Variants in DMD observed in about 807,000 individuals in gnomAD.
DMD encodes dystrophin.
In DMD, 63 loss-of-function variants were observed where a neutral mutation model predicts 330.1. The observed-to-expected ratio is 0.19, with a 90% CI of 0.16 to 0.24. The LOEUF is 0.24. DMD is among the 10% of genes least tolerant of loss of function. The probability of loss-of-function intolerance (pLI) is 1.00; values close to 1 mark genes in which losing one functional copy is unlikely to be tolerated. For synonymous variants in DMD, 1,223 were observed against 959.8 expected (o/e 1.27, Z -5.07); for missense variants, 3,344 against 2,684.1 (o/e 1.25, Z -5.43).
intron 45 of DMD, among the ~76,000 whole-genome samples, chrX:31,940,693 T>A (rs2150043799): frequency 9.1e-6 from 1 of 109,443 alleles, no homozygotes; most frequent in South Asian, 3.9e-4. Flanking sequence ...TTTTTTTTTT[T>A]TATAGCAGCT....
At chrX:32,019,879 G>A (rs1273600182) in intron 44 of DMD, among the ~76,000 whole-genome samples, 1 of 111,937 alleles carries the variant, frequency 8.9e-6, no homozygotes, top group African/African-American at 3.2e-5. Flanking sequence ...CTATTCATGG[G>A]GCTAAGTTGA....
intron 23 of DMD, among the ~76,000 whole-genome samples, chrX:32,467,899 T>C (rs1483964922): frequency 9.1e-6 from 1 of 110,023 alleles, no homozygotes; most frequent in Non-Finnish European, 1.9e-5. Context: ...AGGACATTAA[T>C]ACACCTACAT....
chrX:33,278,314 T>C, intron 1 of DMD, among the ~76,000 whole-genome samples: 1 of 110,927 alleles, frequency 9.0e-6, no homozygotes, highest in African/African-American at 3.3e-5. Context: ...TAGGTAGCTT[T>C]TCAGCCTTTG....
chrX:32,596,262 C>T (rs914020510), intron 12 of DMD, among the ~76,000 whole-genome samples: 5 of 106,712 alleles, frequency 4.7e-5, no homozygotes, highest in East Asian at 6.0e-4. Context: ...TCCAACAAAC[C>T]GGTCCTCCTA....
chrX:31,261,024 A>G lies in DMD; in HGVS notation c.9225-8T>C, dbSNP rs1307721844. 3.3e-6 allele frequency: 4 copies of G among 1,204,662 alleles called. No individual in the cohort carries two copies. In the Admixed American group the frequency reaches 8.7e-5, roughly 26 times the overall value. ...GTTGTTTGAGTCTCGTGGCTAAAAC[A>G]CAAAACATAAAGAAAGACTTTAGCA... is the stretch of plus-strand genomic sequence containing the variant. On this transcript the variant is annotated splice_polypyrimidine_tract_variant and splice_region_variant and intron_variant, in intron 62 of 78. Coordinates refer to ENST00000357033, the MANE Select transcript of DMD (RefSeq NM_004006.3).
intron 52 of DMD, among the ~76,000 whole-genome samples, chrX:31,704,881 T>A (rs1007263612): frequency 2.7e-5 from 3 of 112,334 alleles, no homozygotes; most frequent in Non-Finnish European, 3.8e-5. Context: ...AAATCAAAGC[T>A]AAAAAAGAAG....
chrX:31,354,911 G>A, intron 60 of DMD, among the ~76,000 whole-genome samples: 1 of 111,595 alleles, frequency 9.0e-6, no homozygotes, highest in South Asian at 3.8e-4. Context: ...ACTTGAAAGC[G>A]TAATTCTGGG....
intron 50 of DMD, among the ~76,000 whole-genome samples, chrX:31,804,635 A>G (rs186164968): frequency 1.3e-3 from 148 of 111,620 alleles, no homozygotes; most frequent in African/African-American, 4.8e-3. Flanking sequence ...CATTTCCAGC[A>G]TCATCTGGAA....
chrX:32,365,076 T>G lies in DMD; in HGVS notation c.4969A>C (p.Asn1657His). 1 of 1,211,000 alleles carries G rather than the reference T, an allele frequency of 8.3e-7. No individual in the cohort carries two copies. Among genetic ancestry groups the G allele is most frequent in the African/African-American group, 1.7e-5 (1 of 57,663 alleles). Residue 1657 changes from asparagine (N) to histidine (H), a missense_variant, in exon 35 of 79, where the codon AAT becomes CAT. Asn to His is a moderately conservative substitution (Grantham distance 68). Coordinates refer to ENST00000357033, the MANE Select transcript of DMD (RefSeq NM_004006.3). ...GAGGTGACAGCTATCCAGTTACTAT[T>G]CAGAAGACTGAGTTTATCTTCCACC... The part of the protein sequence containing the change: ...TLVEDKLSLL[N>H]SNWIAVTSRA...
intron 43 of DMD, among the ~76,000 whole-genome samples, chrX:32,252,447 A>T (rs2097267283): frequency 9.5e-6 from 1 of 105,702 alleles, no homozygotes; most frequent in Non-Finnish European, 1.9e-5. Context: ...TTCAGCTCCA[A>T]AAAGGCAGAA....
chrX:31,247,328 G>A (rs1336690479), intron 63 of DMD, among the ~76,000 whole-genome samples: 25 of 111,393 alleles, frequency 2.2e-4, no homozygotes, highest in Non-Finnish European at 1.5e-4. Context: ...GAAGTCAGGT[G>A]TGGTGGCTCA....
intron 41 of DMD, among the ~76,000 whole-genome samples, chrX:32,328,149 A>C (rs1603630845): frequency 1.8e-5 from 2 of 111,659 alleles, no homozygotes; most frequent in South Asian, 3.7e-4. Context: ...CATTTTGTTA[A>C]GTTTTTGATC....
intron 1 of DMD, among the ~76,000 whole-genome samples, chrX:33,232,625 TC>T (rs1427611238): frequency 2.2e-4 from 25 of 111,746 alleles, no homozygotes; most frequent in African/African-American, 8.1e-4. Context: ...GTGCGGAGTC[TC>T]ACACCTGTAA....
chrX:31,208,711 C>T (rs1193696488), intron 65 of DMD, among the ~76,000 whole-genome samples: 1 of 111,602 alleles, frequency 9.0e-6, no homozygotes, highest in Non-Finnish European at 1.9e-5. Flanking sequence ...TTTCAGAAAA[C>T]CTTCCCAGAT....
intron 60 of DMD, among the ~76,000 whole-genome samples, chrX:31,431,689 G>A (rs930425517): frequency 4.5e-5 from 5 of 111,363 alleles, no homozygotes; most frequent in Non-Finnish European, 7.6e-5. Context: ...GAGCCACTGC[G>A]CCTGGCCAGA....
rs182873193 is a variant in DMD, at chrX:31,964,781, A to C, written c.6614+3558T>G. On this transcript the variant is annotated intron_variant, in intron 45 of 78. Transcript: ENST00000357033. Reference sequence around the variant, plus strand: ...GTTTTGCAATTGTTTCAATTTTTCTATATGTTTGAAATTTTTCACAAAAAG... The same window carrying C: ...GTTTTGCAATTGTTTCAATTTTTCTCTATGTTTGAAATTTTTCACAAAAAG... 9.8e-4 allele frequency among the ~76,000 whole-genome samples: 109 copies of C among 111,043 alleles called. 1 individual carries two copies. The South Asian group carries it at 0.038, about 39-fold the overall frequency.
chrX:31,665,717 G>A (rs1342674528), intron 53 of DMD, among the ~76,000 whole-genome samples: 1 of 112,009 alleles, frequency 8.9e-6, no homozygotes, highest in Admixed American at 9.5e-5. Flanking sequence ...ACTACAAGCT[G>A]AGAGCAGACT....
chrX:33,160,882 C>T (rs542798195), intron 1 of DMD, among the ~76,000 whole-genome samples: 1 of 111,254 alleles, frequency 9.0e-6, no homozygotes, highest in Non-Finnish European at 1.9e-5. Context: ...AATTTAAAGA[C>T]AAAACTAAGG....
intron 60 of DMD, among the ~76,000 whole-genome samples, chrX:31,349,728 T>C (rs975789120): frequency 1.3e-4 from 15 of 112,031 alleles, no homozygotes; most frequent in African/African-American, 4.5e-4. Flanking sequence ...CAATCCAATA[T>C]AAGTGGTGGC....
Sources: gnomAD v4.1 joint callset for allele counts (sites outside exome capture counted in the v4.1 genomes callset) on GRCh38, gnomAD v4.1.1 for gene constraint, MANE v1.5 for transcripts, NCBI Gene and HGNC (gene_info 2026-07-23, HGNC 2026-07-21) for gene names.